CLYBL: variants seen among roughly 807,000 people sequenced by gnomAD.
CLYBL encodes citramalyl-CoA lyase, mitochondrial.
Under a neutral mutation model 38.9 loss-of-function variants are expected in CLYBL, and 31 were observed. The observed-to-expected ratio is 0.80, with a 90% CI of 0.60 to 1.08. The LOEUF (loss-of-function observed/expected upper bound fraction) is 1.08. Ranked by LOEUF, CLYBL falls within the 50% of genes least tolerant of loss-of-function variation. The pLI is 0.00. For missense variants in CLYBL, 434 were observed against 411.6 expected (o/e 1.05, Z -0.47); for synonymous variants, 171 against 158.6 (o/e 1.08, Z -0.59).
chr13:99,848,135 T>G (rs752954629), intron 2 of CLYBL, among the ~76,000 whole-genome samples: 1 of 152,148 alleles, frequency 6.6e-6, no homozygotes. Flanking sequence ...GAAATCCTGT[T>G]CAGTCTTCAG....
At chr13:99,904,852 G>A (rs1020699076) in intron 8 of CLYBL, among the ~76,000 whole-genome samples, 2 of 152,186 alleles carry the variant, frequency 1.3e-5, no homozygotes, top group Non-Finnish European at 2.9e-5. Flanking sequence ...CTCCCTGGGG[G>A]TCTCAAGAGA....
exon 10 of CLYBL, among the ~76,000 whole-genome samples, chr13:99,909,134 C>G (rs2052725400): frequency 6.6e-6 from 1 of 152,150 alleles, no homozygotes; most frequent in Admixed American, 6.5e-5. Flanking sequence ...AAACATGAAG[C>G]AAAGAAGGCA....
intron 1 of CLYBL, among the ~76,000 whole-genome samples, chr13:99,718,197 C>A (rs930312441): frequency 1.3e-5 from 2 of 151,996 alleles, no homozygotes; most frequent in Admixed American, 1.3e-4. Flanking sequence ...TTTTCTACAC[C>A]CTTCCTAGGG....
intron 2 of CLYBL, among the ~76,000 whole-genome samples, chr13:99,843,389 A>AG (rs2051129462): frequency 1.3e-5 from 2 of 152,130 alleles, no homozygotes; most frequent in African/African-American, 4.8e-5. Context: ...CTATCCCATT[A>AG]GTTAATTCTG....
intron 7 of CLYBL, among the ~76,000 whole-genome samples, chr13:99,884,694 G>A (rs1032244384): frequency 6.6e-6 from 1 of 152,222 alleles, no homozygotes; most frequent in African/African-American, 2.4e-5. Context: ...GGCACGCCAG[G>A]TATGCAGTAG....
rs760964052 is a variant in CLYBL at position 99,859,032 on chromosome 13, C to G, written c.421C>G (p.Pro141Ala). ...CCTGATGCTACCAAAGGTGGAAAGTCCTGAAGAAATCCAGTGGGTGAGTAG... is the reference window on the plus strand; with the variant it reads ...CCTGATGCTACCAAAGGTGGAAAGTGCTGAAGAAATCCAGTGGGTGAGTAG... ...SSLMLPKVES[P>A]EEIQWFADKF... Residue 141 changes from proline to alanine, a missense_variant, in exon 3 of 9, where the codon CCT becomes GCT. Coordinates refer to ENST00000339105, the MANE Select transcript of CLYBL (RefSeq NM_206808.5). The G allele has an allele frequency of 3.7e-6, 6 of 1,612,882 alleles. No homozygotes were observed. Among genetic ancestry groups the G allele is most frequent in the Non-Finnish European group, 5.1e-6 (6 of 1,179,622 alleles).
chr13:99,828,986 A>T (rs1186966743), intron 2 of CLYBL, among the ~76,000 whole-genome samples: 1 of 152,158 alleles, frequency 6.6e-6, no homozygotes, highest in African/African-American at 2.4e-5. Context: ...AACCCACGGG[A>T]TGTACTCTGA....
At chr13:99,805,096 T>C (rs1358306761) in intron 2 of CLYBL, among the ~76,000 whole-genome samples, 1 of 152,250 alleles carries the variant, frequency 6.6e-6, no homozygotes, top group Non-Finnish European at 1.5e-5. Context: ...TCAAAATGTC[T>C]TTCCTTTTTG....
chr13:99,695,579 G>T (rs1360609461), intron 1 of CLYBL, among the ~76,000 whole-genome samples: 2 of 152,070 alleles, frequency 1.3e-5, no homozygotes, highest in Non-Finnish European at 1.5e-5. Context: ...GAGTGCAGTG[G>T]CGTGATCTTG....
intron 1 of CLYBL, among the ~76,000 whole-genome samples, chr13:99,655,094 T>A (rs2047311349): frequency 6.6e-6 from 1 of 151,350 alleles, no homozygotes. Context: ...TTTTTTTTTT[T>A]AGACGGAGTC....
intron 1 of CLYBL, among the ~76,000 whole-genome samples, chr13:99,680,515 C>T (rs920937565): frequency 6.6e-5 from 10 of 152,174 alleles, no homozygotes; most frequent in African/African-American, 1.7e-4. Flanking sequence ...CCAAAAATAA[C>T]GGACTAGGAC....
intron 2 of CLYBL, among the ~76,000 whole-genome samples, chr13:99,854,223 T>C (rs915290882): frequency 4.6e-5 from 7 of 152,064 alleles, no homozygotes; most frequent in African/African-American, 1.4e-4. Flanking sequence ...TGAAAACAAC[T>C]ATACATTAAC....
chr13:99,891,072 G>T (rs2052476132), intron 7 of CLYBL, among the ~76,000 whole-genome samples: 1 of 152,012 alleles, frequency 6.6e-6, no homozygotes, highest in Admixed American at 6.6e-5. Context: ...TGAACAGTTT[G>T]CTGTCTTGTG....
chr13:99,661,943 C>G (rs987250168), intron 1 of CLYBL, among the ~76,000 whole-genome samples: 10 of 152,192 alleles, frequency 6.6e-5, no homozygotes, highest in African/African-American at 2.4e-4. Flanking sequence ...CCCTTTGTTT[C>G]AGGCCCAATC....
intron 1 of CLYBL, among the ~76,000 whole-genome samples, chr13:99,629,824 C>T (rs2046918633): frequency 1.3e-5 from 2 of 152,112 alleles, no homozygotes; most frequent in Admixed American, 1.3e-4. Flanking sequence ...TTTTTAAAGC[C>T]CACTTGTCGA....
chr13:99,711,899 T>C (rs1346296247), intron 1 of CLYBL, among the ~76,000 whole-genome samples: 3 of 150,072 alleles, frequency 2.0e-5, no homozygotes. Context: ...GTATTTTTAG[T>C]AGAGACAGGA....
chr13:99,790,016 C>A (rs1215596315), intron 2 of CLYBL, among the ~76,000 whole-genome samples: 2 of 152,080 alleles, frequency 1.3e-5, no homozygotes, highest in Admixed American at 6.5e-5. Flanking sequence ...ACTAGGATTG[C>A]AACCCCTGCC....
At chr13:99,624,196 T>C (rs1440614895) in intron 1 of CLYBL, among the ~76,000 whole-genome samples, 1 of 152,184 alleles carries the variant, frequency 6.6e-6, no homozygotes, top group Admixed American at 6.5e-5. Context: ...GCCACGAATG[T>C]GTGCATCTCC....
intron 1 of CLYBL, among the ~76,000 whole-genome samples, chr13:99,758,865 G>C (rs2049113986): frequency 6.6e-6 from 1 of 152,216 alleles, no homozygotes; most frequent in African/African-American, 2.4e-5. Context: ...GTTCTTTGGG[G>C]TGTCCCTCTC....
Sources: allele counts gnomAD v4.1 joint callset (sites outside exome capture counted in the v4.1 genomes callset), GRCh38; gene constraint gnomAD v4.1.1; transcripts MANE v1.5; gene names NCBI Gene and HGNC (gene_info 2026-07-23, HGNC 2026-07-21).